PELP1: variants seen among roughly 807,000 people sequenced by gnomAD.
PELP1 encodes proline-, glutamic acid- and leucine-rich protein 1.
In PELP1, 32 loss-of-function variants were observed where a neutral mutation model predicts 95.5. The ratio of observed to expected loss-of-function variants is 0.34; its 90% confidence interval spans 0.25 to 0.45. The LOEUF (loss-of-function observed/expected upper bound fraction) is 0.45. Among genes scored for constraint, PELP1 ranks in the 20% least tolerant of loss-of-function variants. The probability of loss-of-function intolerance (pLI) is 1.00; values close to 1 mark genes in which losing one functional copy is unlikely to be tolerated. For missense variants in PELP1, 1,358 were observed against 1,444.8 expected (o/e 0.94, Z 0.97); for synonymous variants, 668 against 600.1 (o/e 1.11, Z -1.65).
At chr17:4,690,341 T>C (rs530927447) in intron 3 of PELP1, among the ~76,000 whole-genome samples, 1 of 152,220 alleles carries the variant, frequency 6.6e-6, no homozygotes, top group East Asian at 1.9e-4. Flanking sequence ...GCTCGGGTGA[T>C]GGGTGCACCA....
chr17:4,685,792 T>TAAAAA (rs750825796), intron 3 of PELP1, among the ~76,000 whole-genome samples: 1 of 119,586 alleles, frequency 8.4e-6, no homozygotes, highest in Non-Finnish European at 1.8e-5. Flanking sequence ...AACCATGTCT[T>TAAAAA]AAAAAAAAAA....
At position 4,690,861 on chromosome 17, in the gene PELP1, G is replaced by A. The variant is rs201850025; in HGVS notation, c.420+27C>T. On this transcript the variant is annotated intron_variant, in intron 3 of 16. Coordinates refer to ENST00000572293, the MANE Select transcript of PELP1 (RefSeq NM_014389.3). ...GGGGAATAAGATGGGGGAGGAGGAGGAAGTAGGGCAGCAGCTGAAACCTCA... is the reference window on the plus strand; with the variant it reads ...GGGGAATAAGATGGGGGAGGAGGAGAAAGTAGGGCAGCAGCTGAAACCTCA... 1,589 of 1,405,904 alleles carry A rather than the reference G, an allele frequency of 1.1e-3. 1 individual carries two copies. The highest frequency in any genetic ancestry group is 1.5e-3 in the Non-Finnish European group (1,458 of 990,560). The allele number at this position is 1,405,904 out of a possible 1,614,324, so 87.1% of individuals were successfully genotyped here. A position where few individuals can be genotyped will look rare whatever the true frequency, so the allele number is the denominator to read the frequency against.
Position 4,671,844 on chromosome 17 carries a change from A to T in PELP1, c.3147T>A (p.Pro1049=), listed in dbSNP as rs375675911. 2.6e-6 allele frequency: 4 copies of T among 1,511,332 alleles called. No individual in the cohort carries two copies. The African/African-American group carries it at 4.2e-5, about 16-fold the overall frequency. 93.6% of individuals were successfully genotyped at this position (1,511,332 alleles called of 1,614,324 possible). Reference sequence around the variant, plus strand: ...GCTCTTCTTCAACAAGCTCCTGGGGAGGGGGCCCTGCCGCAGGGCTTTCCC... The same window carrying T: ...GCTCTTCTTCAACAAGCTCCTGGGGTGGGGGCCCTGCCGCAGGGCTTTCCC... The part of the protein sequence containing the change: ...REGESPAAGP[P]PQELVEEEPS... Residue 1049 remains proline, a synonymous_variant, in exon 16 of 17, where the codon CCT becomes CCA. Coordinates refer to ENST00000572293, the MANE Select transcript of PELP1 (RefSeq NM_014389.3).
intron 3 of PELP1, among the ~76,000 whole-genome samples, chr17:4,689,130 T>C (rs922380366): frequency 2.0e-5 from 3 of 152,194 alleles, no homozygotes; most frequent in East Asian, 1.9e-4. Context: ...TCTGGGATAA[T>C]TGGCAAGCCA....
Position 4,674,873 on chromosome 17 carries a change from G to A in PELP1, c.1358C>T (p.Ala453Val), listed in dbSNP as rs1211971520. 6.2e-7 allele frequency: 1 copy of A among 1,613,568 alleles called. No individual in the cohort carries two copies. The highest frequency in any genetic ancestry group is 1.3e-5 in the African/African-American group (1 of 75,018). Residue 453 changes from alanine (A) to valine (V), a missense_variant, in exon 12 of 17, where the codon GCC (alanine) becomes GTC (valine). This residue lies in a region of PELP1 where 538 missense variants were observed against 628.1 expected (regional missense o/e 0.86). Coordinates refer to ENST00000572293, the MANE Select transcript of PELP1 (RefSeq NM_014389.3). ...GTGGGTGAGCAGGGCCTCTCCAGAGGCTCCTCCCTGAAGCATTCCCGCCGA... is the reference window on the plus strand; with the variant it reads ...GTGGGTGAGCAGGGCCTCTCCAGAGACTCCTCCCTGAAGCATTCCCGCCGA... ...GASAGMLQGG[A>V]SGEALLTHLL... is the part of the protein sequence containing the mutation.
chr17:4,671,708 C>T lies in PELP1; in HGVS notation c.3283G>A (p.Glu1095Lys), dbSNP rs1009884184. The T allele has an allele frequency of 5.8e-6, 9 of 1,559,298 alleles. No individual in the cohort carries two copies. The highest frequency in any genetic ancestry group is 2.1e-5 in the Admixed American group (1 of 47,432). Residue 1095 changes from glutamate to lysine, a missense_variant, in exon 16 of 17, where the codon GAA (glutamate) becomes AAA (lysine). This residue lies in a region of PELP1 where 283 missense variants were observed against 284.1 expected (regional missense o/e 1.00). Coordinates refer to ENST00000572293, the MANE Select transcript of PELP1 (RefSeq NM_014389.3). ...EEEMETETEA[E>K]ALQEKEQDDT... is the part of the protein sequence containing the mutation. ...CCTCTCACCTTTTCCTGGAGAGCTT[C>T]GGCCTCTGTCTCTGTCTCCATCTCT...
chr17:4,686,579 G>A (rs867554771), intron 3 of PELP1, among the ~76,000 whole-genome samples: 16 of 152,050 alleles, frequency 1.1e-4, no homozygotes, highest in Non-Finnish European at 1.8e-4. Context: ...GTGCAGTGGC[G>A]CGATCTCGGC....
chr17:4,682,447 A>C (rs534865452), intron 5 of PELP1, 55 bp downstream of exon 5: 31 of 1,135,988 alleles, frequency 2.7e-5, no homozygotes, highest in South Asian at 2.5e-4. Context: ...CAGGAATCTG[A>C]GGTAAGAGCT....
Position 4,676,440 on chromosome 17 carries a change from G to A in PELP1, c.770C>T (p.Thr257Ile), listed in dbSNP as rs1313845099. ...GAGFSQGLKH[T>I]ESWEQELHSL... ...GTGTAGCTCCTGCTCCCAGCTCTCGGTGTGCTTCAGGCCTTGGGAAAAGCC... is the reference window on the plus strand; with the variant it reads ...GTGTAGCTCCTGCTCCCAGCTCTCGATGTGCTTCAGGCCTTGGGAAAAGCC... The change falls in exon 7 of 17, where the codon ACC (threonine) becomes ATC (isoleucine). Residue 257 changes from threonine to isoleucine, a missense_variant. Physicochemically the swap from Thr to Ile is moderately conservative, Grantham distance 89. This residue lies in a region of PELP1 where 538 missense variants were observed against 628.1 expected (regional missense o/e 0.86). Coordinates refer to ENST00000572293, the MANE Select transcript of PELP1 (RefSeq NM_014389.3). 1.2e-6 allele frequency: 2 copies of A among 1,613,806 alleles called. No homozygotes were observed. The highest frequency in any genetic ancestry group is 1.7e-5 in the Admixed American group (1 of 60,000).
intron 4 of PELP1, 26 bp downstream of exon 4, chr17:4,682,777 G>C (rs780657830): frequency 6.5e-7 from 1 of 1,545,762 alleles, no homozygotes; most frequent in Admixed American, 2.0e-5. Flanking sequence ...GGGGGCCATG[G>C]GGAAGGGTCC....
intron 1 of PELP1, among the ~76,000 whole-genome samples, chr17:4,698,266 T>C (rs1244574711): frequency 6.6e-6 from 1 of 152,136 alleles, no homozygotes; most frequent in Non-Finnish European, 1.5e-5. Flanking sequence ...GAAATAACTA[T>C]TCTGTACTCT....
Position 4,672,059 on chromosome 17 carries a change from G to A in PELP1, c.2932C>T (p.Pro978Ser). Reference sequence around the variant, plus strand: ...AGAGCTGGAGGCAGGGTTGGGGGTGGAGGTGCACCTTCTTCTACCTCCCCT... The same window carrying A: ...AGAGCTGGAGGCAGGGTTGGGGGTGAAGGTGCACCTTCTTCTACCTCCCCT... ...AGGEVEEGAP[P>S]PPTLPPALPP... The change falls in exon 16 of 17, where the codon CCA (proline) becomes TCA (serine). Residue 978 changes from proline to serine, a missense_variant. This residue lies in a region of PELP1 where 283 missense variants were observed against 284.1 expected (regional missense o/e 1.00). Transcript: ENST00000572293. 2 of 1,563,170 alleles carry A rather than the reference G, an allele frequency of 1.3e-6. No individual in the cohort carries two copies. The highest frequency in any genetic ancestry group is 1.7e-6 in the Non-Finnish European group (2 of 1,153,910).
intron 3 of PELP1, among the ~76,000 whole-genome samples, chr17:4,688,599 T>C (rs1170154647): frequency 6.6e-6 from 1 of 151,982 alleles, no homozygotes; most frequent in Non-Finnish European, 1.5e-5. Context: ...TTACAACAGC[T>C]GCAAAAAATA....
chr17:4,674,481 C>A, intron 13 of PELP1, 29 bp downstream of exon 13: 1 of 1,596,844 alleles, frequency 6.3e-7, no homozygotes, highest in Non-Finnish European at 8.5e-7. Flanking sequence ...GTTTGAGCCC[C>A]AGTGGTCCAG....
intron 3 of PELP1, among the ~76,000 whole-genome samples, chr17:4,687,711 C>T (rs1438238686): frequency 6.6e-6 from 1 of 152,136 alleles, no homozygotes; most frequent in African/African-American, 2.4e-5. Flanking sequence ...AGAAAAAGCG[C>T]TAGACTCTGA....
chr17:4,701,291 A>C (rs1352929391), intron 1 of PELP1, among the ~76,000 whole-genome samples: 1 of 140,302 alleles, frequency 7.1e-6, no homozygotes, highest in Non-Finnish European at 1.5e-5. Flanking sequence ...AAATAAGCAA[A>C]GAATTGAGAA....
Position 4,671,363 on chromosome 17 carries a change from G to A in PELP1, c.*76C>T. The A allele has an allele frequency of 1.2e-6, 1 of 848,512 alleles. No homozygotes were observed. The allele number at this position is 848,512 out of a possible 1,614,324, so 52.6% of individuals were successfully genotyped here. On this transcript the variant is annotated 3_prime_UTR_variant, in exon 17 of 17. Transcript: ENST00000572293. The stretch of plus-strand genomic sequence containing the variant: ...AGCTTCTGGCTGGGGACCCAGGTGT[G>A]GCAAAAGGCAGAAGCAGCAGTCGCT...
chr17:4,675,553 G>A lies in PELP1; in HGVS notation c.1069-191C>T, dbSNP rs1469249907. On this transcript the variant is annotated intron_variant, in intron 9 of 16. Transcript: ENST00000572293. This position sits in a 1 kb window ranked among gnomAD's most constrained non-coding sequence, Gnocchi z 4.3. ...TGGATGGAAGGTAAGAAGGATGGCT[G>A]GGCCTCTCAGCAATGACTCAGCTGA... The A allele has an allele frequency of 1.4e-6, 1 of 708,234 alleles. No individual in the cohort carries two copies. Among genetic ancestry groups the A allele is most frequent in the East Asian group, 2.7e-5 (1 of 37,200 alleles). 43.9% of individuals were successfully genotyped at this position (708,234 alleles called of 1,614,324 possible).
In PELP1 at chr17:4,674,561, G is replaced by A. The variant is rs763558059; in HGVS notation, c.1531C>T (p.Arg511Trp). 6.2e-6 allele frequency: 10 copies of A among 1,612,814 alleles called. No homozygotes were observed. Among genetic ancestry groups the A allele is most frequent in the East Asian group, 4.5e-5 (2 of 44,858 alleles). ...VGEAMAPPSH[R>W]KGDSNANSDV... is the part of the protein sequence containing the mutation. ...CTGTTGGCATTGCTATCCCCTTTCC[G>A]GTGGCTTGGCGGGGCCATAGCTTCC... The change falls in exon 13 of 17, where the codon CGG becomes TGG. Residue 511 changes from arginine to tryptophan, a missense_variant. Arg to Trp is a moderately radical substitution (Grantham distance 101, BLOSUM62 -3). Around this residue, in one of 7 missense-constraint regions of PELP1, gnomAD observed 538 missense variants for 628.1 expected, o/e 0.86. Coordinates refer to ENST00000572293, the MANE Select transcript of PELP1 (RefSeq NM_014389.3).
Sources: gnomAD v4.1 joint callset for allele counts (sites outside exome capture counted in the v4.1 genomes callset) on GRCh38, gnomAD v4.1.1 for gene constraint, gnomAD v4.1.1 regional missense constraint, Gnocchi (gnomAD v3.1) non-coding constraint, MANE v1.5 for transcripts, NCBI Gene and HGNC (gene_info 2026-07-23, HGNC 2026-07-21) for gene names.